CSMD1: variants seen among roughly 807,000 people sequenced by gnomAD.
CSMD1 encodes the protein CUB and sushi domain-containing protein 1.
A neutral mutation model predicts 417.5 loss-of-function variants in CSMD1; 213 were observed. The observed-to-expected ratio is 0.51, with a 90% CI of 0.46 to 0.57. The LOEUF (loss-of-function observed/expected upper bound fraction) is 0.57, where lower values mean the gene tolerates loss of function less well. CSMD1 is among the 20% of genes least tolerant of loss of function. The pLI is 0.00. For synonymous variants in CSMD1, 2,862 were observed against 1,736.8 expected (o/e 1.65, Z -16.11); for missense variants, 6,923 against 4,529.7 (o/e 1.53, Z -15.17).
intron 28 of CSMD1, among the ~76,000 whole-genome samples, chr8:3,220,450 A>C (rs532206995): frequency 6.6e-6 from 1 of 152,322 alleles, no homozygotes; most frequent in South Asian, 2.1e-4. Context: ...CTTTAAAACT[A>C]CGCACACTCT....
chr8:4,411,707 T>G (rs10107756), intron 3 of CSMD1, among the ~76,000 whole-genome samples: 9,246 of 152,258 alleles, frequency 0.061, 385 homozygotes, highest in Non-Finnish European at 0.09. Flanking sequence ...CACGAAAGCA[T>G]ATATATATGT....
chr8:4,067,269 T>C (rs992470021), intron 3 of CSMD1, among the ~76,000 whole-genome samples: 9 of 152,218 alleles, frequency 5.9e-5, no homozygotes, highest in African/African-American at 1.9e-4. Context: ...CTAAGAATCA[T>C]AGCCGAGATA....
chr8:3,593,877 T>C (rs1343315750), intron 8 of CSMD1, among the ~76,000 whole-genome samples: 1 of 152,184 alleles, frequency 6.6e-6, no homozygotes, highest in Non-Finnish European at 1.5e-5. Context: ...CCTTCCTCCA[T>C]CTTACTTGAT....
At chr8:3,917,416 A>AAC (rs56102573) in intron 5 of CSMD1, among the ~76,000 whole-genome samples, 2,406 of 150,294 alleles carry the variant, frequency 0.016, 35 homozygotes, top group African/African-American at 0.044. Context: ...TATACCACGA[A>AAC]ACACACACAC....
chr8:3,613,044 C>G (rs1937359178), intron 8 of CSMD1, among the ~76,000 whole-genome samples: 1 of 151,862 alleles, frequency 6.6e-6, no homozygotes, highest in Admixed American at 6.6e-5. Flanking sequence ...GCAGATGGAA[C>G]AAGTAAAATT....
intron 23 of CSMD1, among the ~76,000 whole-genome samples, chr8:3,330,613 G>A (rs1476247840): frequency 6.6e-6 from 1 of 152,184 alleles, no homozygotes; most frequent in Non-Finnish European, 1.5e-5. Flanking sequence ...AGGATGAGAA[G>A]AGGGAGAGGA....
chr8:3,069,474 C>G (rs1380995615), intron 49 of CSMD1, among the ~76,000 whole-genome samples: 2 of 151,980 alleles, frequency 1.3e-5, no homozygotes, highest in African/African-American at 4.8e-5. Flanking sequence ...GGATTACATG[C>G]CCCATTCAAG....
intron 7 of CSMD1, among the ~76,000 whole-genome samples, chr8:3,643,658 G>A (rs774339170): frequency 6.6e-5 from 9 of 137,054 alleles, no homozygotes; most frequent in Non-Finnish European, 1.2e-4. Context: ...CCGAGATCGC[G>A]CCACTGCACC....
At chr8:3,523,901 ACAC>A (rs1797630366) in intron 10 of CSMD1, among the ~76,000 whole-genome samples, 1 of 151,118 alleles carries the variant, frequency 6.6e-6, no homozygotes, top group Admixed American at 6.6e-5. Context: ...AGACATATGC[ACAC>A]ATGTACACGC....
chr8:3,398,688 G>A (rs940954166), intron 16 of CSMD1, among the ~76,000 whole-genome samples: 1 of 152,028 alleles, frequency 6.6e-6, no homozygotes, highest in East Asian at 1.9e-4. Context: ...TGCCTCCCTA[G>A]CCTTTGGTTC....
At chr8:3,696,167 G>A (rs180898974) in intron 7 of CSMD1, among the ~76,000 whole-genome samples, 23 of 152,204 alleles carry the variant, frequency 1.5e-4, no homozygotes, top group Middle Eastern at 3.4e-3. Context: ...TATCTTCTTC[G>A]GATGTCACAT....
rs1816573438 is a variant in CSMD1 at position 3,462,568 on chromosome 8, C to A, written c.1561+6144G>T. Among the ~76,000 whole-genome samples, 3 of 152,204 alleles carry A rather than the reference C, an allele frequency of 2.0e-5. No homozygotes were observed. The South Asian group carries it at 6.2e-4, about 31-fold the overall frequency. ...CTGATGATCTGTCACTGTCTCCCAT[C>A]ACCCAGATGGGACTGTCTAGTTGCA... On this transcript the variant is annotated intron_variant, in intron 12 of 69. Transcript: ENST00000635120.
At chr8:4,957,969 G>A (rs1211649956) in intron 1 of CSMD1, among the ~76,000 whole-genome samples, 1 of 152,274 alleles carries the variant, frequency 6.6e-6, no homozygotes, top group South Asian at 2.1e-4. Context: ...TCCTTAGTAA[G>A]ATGTTATTTT....
chr8:3,724,631 G>T (rs1802383920), intron 6 of CSMD1, among the ~76,000 whole-genome samples: 1 of 152,122 alleles, frequency 6.6e-6, no homozygotes, highest in African/African-American at 2.4e-5. Flanking sequence ...CTCCCAGTAT[G>T]CAGGAAGGAC....
intron 7 of CSMD1, among the ~76,000 whole-genome samples, chr8:3,629,624 C>G (rs1216443996): frequency 6.6e-6 from 1 of 152,094 alleles, no homozygotes; most frequent in Non-Finnish European, 1.5e-5. Context: ...TCTATGATTC[C>G]TATACTCAGG....
chr8:4,344,414 C>A (rs1183118110), intron 3 of CSMD1, among the ~76,000 whole-genome samples: 1 of 151,984 alleles, frequency 6.6e-6, no homozygotes, highest in Non-Finnish European at 1.5e-5. Context: ...TTCTGTTGAG[C>A]AAAGGCAGGA....
intron 1 of CSMD1, among the ~76,000 whole-genome samples, chr8:4,819,973 T>C (rs1190236793): frequency 1.3e-5 from 2 of 152,246 alleles, no homozygotes; most frequent in East Asian, 3.8e-4. Context: ...ATTGGTTTTA[T>C]TGTAATTGGT....
chr8:3,899,057 C>A (rs1231243332), intron 5 of CSMD1, among the ~76,000 whole-genome samples: 1 of 152,080 alleles, frequency 6.6e-6, no homozygotes, highest in Non-Finnish European at 1.5e-5. Context: ...CAATTGAGGT[C>A]AATAAAATGA....
intron 1 of CSMD1, among the ~76,000 whole-genome samples, chr8:4,776,597 C>G (rs900456989): frequency 2.6e-5 from 4 of 152,088 alleles, no homozygotes; most frequent in African/African-American, 9.7e-5. Context: ...CGTTCGCGTT[C>G]AATGATACCT....
Sources: gnomAD v4.1 joint callset for allele counts (sites outside exome capture counted in the v4.1 genomes callset) on GRCh38, gnomAD v4.1.1 for gene constraint, MANE v1.5 for transcripts, NCBI Gene and HGNC (gene_info 2026-07-23, HGNC 2026-07-21) for gene names.